The following TMEM272 variants were observed in gnomAD, a reference collection of about 807,000 sequenced individuals.
The protein encoded by TMEM272 is long intergenic non-protein coding RNA 282.
TMEM272 carries 8 observed loss-of-function variants against 3.7 expected under a neutral mutation model. The observed-to-expected ratio is 2.17, with a 90% CI of 1.27 to 3.91. TMEM272 has a LOEUF of 3.91. Among genes scored for constraint, TMEM272 ranks in the 30% most tolerant of loss-of-function variants. TMEM272 has a pLI of 0.00. For synonymous variants in TMEM272, 63 were observed against 39.8 expected (o/e 1.58, Z -2.20); for missense variants, 166 against 91.5 (o/e 1.81, Z -3.32).
At chr13:51,830,338 A>T (rs1373234306) in intron 2 of TMEM272, among the ~76,000 whole-genome samples, 1 of 152,172 alleles carries the variant, frequency 6.6e-6, no homozygotes, top group Non-Finnish European at 1.5e-5. Context: ...AACATTCTTA[A>T]TGACTACCTG....
intron 3 of TMEM272, among the ~76,000 whole-genome samples, chr13:51,825,570 C>A (rs1439094614): frequency 6.6e-6 from 1 of 151,834 alleles, no homozygotes; most frequent in African/African-American, 2.4e-5. Flanking sequence ...ACTTTCTGCT[C>A]CAATATGCTG....
At chr13:51,821,277 G>C (rs1422248519) in intron 4 of TMEM272, among the ~76,000 whole-genome samples, 1 of 152,142 alleles carries the variant, frequency 6.6e-6, no homozygotes, top group Admixed American at 6.5e-5. Context: ...GTGGTGAGGT[G>C]GGCTTGGAAG....
chr13:51,883,481 A>G, the TMEM272 span, among the ~76,000 whole-genome samples: 1 of 152,180 alleles, frequency 6.6e-6, no homozygotes, highest in Admixed American at 6.5e-5. Context: ...AGGGGGCCCT[A>G]AAGTGGATGG....
the TMEM272 span, among the ~76,000 whole-genome samples, chr13:51,919,378 C>A: frequency 2.6e-5 from 4 of 152,264 alleles, no homozygotes; most frequent in South Asian, 2.1e-4. Context: ...TAACAAGTTA[C>A]AAATATAGCT....
chr13:51,816,679 G>A lies in TMEM272; in HGVS notation c.*72C>T, dbSNP rs754275828. The stretch of plus-strand genomic sequence containing the variant: ...TGTGTGTGTGTGTGTGTGTGTGTGC[G>A]TCTGTGTGTCTGTGTGCACGCGCGT... On this transcript the variant is annotated 3_prime_UTR_variant, in exon 5 of 5. Transcript: ENST00000629372. 1.0e-4 allele frequency: 65 copies of A among 636,688 alleles called. No homozygotes were observed. The highest frequency in any genetic ancestry group is 7.7e-4 in the Middle Eastern group (2 of 2,602). The allele number at this position is 636,688 out of a possible 1,614,324, so 39.4% of individuals were successfully genotyped here. A position where few individuals can be genotyped will look rare whatever the true frequency, so the allele number is the denominator to read the frequency against.
the TMEM272 span, chr13:51,865,693 A>T: frequency 6.2e-7 from 1 of 1,614,026 alleles, no homozygotes; most frequent in Non-Finnish European, 8.5e-7. Context: ...AAGAGGAAAA[A>T]TCCTTCTGGG....
At chr13:51,818,015 C>T (rs113876297) in intron 4 of TMEM272, among the ~76,000 whole-genome samples, 32 of 152,262 alleles carry the variant, frequency 2.1e-4, no homozygotes, top group African/African-American at 7.5e-4. Context: ...AACAGCTCCC[C>T]GTCTTCTCTA....
the TMEM272 span, among the ~76,000 whole-genome samples, chr13:51,917,088 A>G: frequency 6.6e-6 from 1 of 152,206 alleles, no homozygotes; most frequent in Non-Finnish European, 1.5e-5. Flanking sequence ...CATTCACTAA[A>G]GACCATGAAT....
chr13:51,881,379 T>A, the TMEM272 span, among the ~76,000 whole-genome samples: 2 of 151,608 alleles, frequency 1.3e-5, no homozygotes, highest in African/African-American at 4.9e-5. Context: ...AAAAATCAGA[T>A]AATGAGAAAT....
intron 2 of TMEM272, among the ~76,000 whole-genome samples, chr13:51,838,015 T>G (rs1956230346): frequency 6.6e-6 from 1 of 152,212 alleles, no homozygotes; most frequent in African/African-American, 2.4e-5. Context: ...CAAGACAGAC[T>G]GGGTCTTCTG....
upstream of TMEM272, among the ~76,000 whole-genome samples, chr13:51,848,648 T>C (rs968646133): frequency 6.6e-6 from 1 of 152,142 alleles, no homozygotes; most frequent in Non-Finnish European, 1.5e-5. Context: ...TGAGTTTAAT[T>C]ACAAAGGCAA....
the TMEM272 span, among the ~76,000 whole-genome samples, chr13:51,931,228 T>G: frequency 0.051 from 7,485 of 147,544 alleles, 174 homozygotes; most frequent in Middle Eastern, 0.1. Flanking sequence ...CCATCAATGA[T>G]AGACTGAAGA....
the TMEM272 span, among the ~76,000 whole-genome samples, chr13:51,852,494 C>T: frequency 2.0e-5 from 3 of 152,334 alleles, no homozygotes; most frequent in South Asian, 6.2e-4. Context: ...TCTTTCAATA[C>T]AGAGACTGAG....
chr13:51,927,542 G>T, the TMEM272 span, among the ~76,000 whole-genome samples: 2 of 152,312 alleles, frequency 1.3e-5, no homozygotes, highest in South Asian at 4.1e-4. Context: ...TATAAGGCAG[G>T]TGGGCTGAAT....
intron 3 of TMEM272, among the ~76,000 whole-genome samples, chr13:51,825,379 G>C (rs1028449953): frequency 6.6e-6 from 1 of 152,158 alleles, no homozygotes; most frequent in Non-Finnish European, 1.5e-5. Context: ...CATAACAAAA[G>C]AAACCATTCT....
At chr13:51,854,604 CT>C in the TMEM272 span, among the ~76,000 whole-genome samples, 1 of 152,294 alleles carries the variant, frequency 6.6e-6, no homozygotes, top group South Asian at 2.1e-4. Flanking sequence ...GCAAAACTGC[CT>C]TGGTTCAAAT....
intron 2 of TMEM272, among the ~76,000 whole-genome samples, chr13:51,831,077 A>G (rs534102325): frequency 3.9e-4 from 59 of 152,300 alleles, no homozygotes; most frequent in African/African-American, 1.4e-3. Context: ...TGGCCGCTCT[A>G]GATCTCACAA....
chr13:51,857,757 A>T, the TMEM272 span, among the ~76,000 whole-genome samples: 1 of 152,110 alleles, frequency 6.6e-6, no homozygotes, highest in Admixed American at 6.5e-5. Flanking sequence ...AATAGATTCA[A>T]ATCTAATATA....
the TMEM272 span, among the ~76,000 whole-genome samples, chr13:51,858,358 C>T: frequency 6.6e-6 from 1 of 152,276 alleles, no homozygotes; most frequent in East Asian, 1.9e-4. Context: ...CAAGTCTTAG[C>T]AAATTGAAAT....
Sources: allele counts gnomAD v4.1 joint callset (sites outside exome capture counted in the v4.1 genomes callset), GRCh38; gene constraint gnomAD v4.1.1; transcripts MANE v1.5; gene names NCBI Gene and HGNC (gene_info 2026-07-23, HGNC 2026-07-21).